ARHGAP15: variants seen among roughly 807,000 people sequenced by gnomAD.
ARHGAP15 encodes the protein Rho GTPase activating protein 15.
Under a neutral mutation model 63.7 loss-of-function variants are expected in ARHGAP15, and 51 were observed. That is an observed-to-expected ratio of 0.80 (90% CI 0.64 to 1.01). The LOEUF (loss-of-function observed/expected upper bound fraction) is 1.01. Ranked by LOEUF, ARHGAP15 falls within the 50% of genes least tolerant of loss-of-function variation. ARHGAP15 has a pLI of 0.00. For missense variants in ARHGAP15, 560 were observed against 564.6 expected, an observed-to-expected ratio of 0.99 and a Z score of 0.08; for synonymous variants, 191 against 193.8, an observed-to-expected ratio of 0.99 and a Z score of 0.12.
chr2:143,207,937 C>T (rs1183457714), intron 3 of ARHGAP15, among the ~76,000 whole-genome samples: 2 of 152,092 alleles, frequency 1.3e-5, no homozygotes, highest in African/African-American at 4.8e-5. Context: ...TCTTTCTGCA[C>T]TCTGGTATGT....
At chr2:143,417,570 C>A (rs918905499) in intron 6 of ARHGAP15, among the ~76,000 whole-genome samples, 17 of 152,030 alleles carry the variant, frequency 1.1e-4, no homozygotes, top group Non-Finnish European at 2.1e-4. Flanking sequence ...CAGTGGCTAC[C>A]CTTTTTAATC....
intron 1 of ARHGAP15, among the ~76,000 whole-genome samples, chr2:143,141,710 C>A (rs1214998742): frequency 6.6e-6 from 1 of 152,120 alleles, no homozygotes; most frequent in Non-Finnish European, 1.5e-5. Flanking sequence ...AGTACAAATG[C>A]AAATGCAAAT....
chr2:143,689,010 G>A (rs72994446), intron 12 of ARHGAP15, among the ~76,000 whole-genome samples: 195 of 152,028 alleles, frequency 1.3e-3, no homozygotes, highest in African/African-American at 4.5e-3. Context: ...TTAATTTTGT[G>A]CTTGACTTGC....
chr2:143,208,759 T>C (rs1263647017), intron 3 of ARHGAP15, among the ~76,000 whole-genome samples: 1 of 152,178 alleles, frequency 6.6e-6, no homozygotes, highest in Non-Finnish European at 1.5e-5. Flanking sequence ...CAGGGTACTT[T>C]TTCTTTTCCC....
At chr2:143,525,206 T>A (rs1694214623) in intron 10 of ARHGAP15, among the ~76,000 whole-genome samples, 1 of 152,170 alleles carries the variant, frequency 6.6e-6, no homozygotes, top group Non-Finnish European at 1.5e-5. Context: ...ATGAAGAATG[T>A]GCAATTTGTA....
intron 5 of ARHGAP15, among the ~76,000 whole-genome samples, chr2:143,229,192 T>C: frequency 6.6e-6 from 1 of 152,092 alleles, no homozygotes; most frequent in East Asian, 1.9e-4. Flanking sequence ...TAAATAATAA[T>C]AAACTGTTTA....
At chr2:143,322,494 G>A (rs941553674) in intron 6 of ARHGAP15, among the ~76,000 whole-genome samples, 3 of 151,998 alleles carry the variant, frequency 2.0e-5, no homozygotes, top group Admixed American at 2.0e-4. Flanking sequence ...TGCCATGATG[G>A]ATTTCCTACT....
chr2:143,265,627 A>G (rs1250895548), intron 6 of ARHGAP15, among the ~76,000 whole-genome samples: 1 of 152,190 alleles, frequency 6.6e-6, no homozygotes, highest in African/African-American at 2.4e-5. Flanking sequence ...AAAACTACAC[A>G]TAGAAAGTGT....
intron 2 of ARHGAP15, among the ~76,000 whole-genome samples, chr2:143,194,682 T>C (rs1400732114): frequency 1.4e-5 from 2 of 141,814 alleles, no homozygotes; most frequent in Admixed American, 7.1e-5. Context: ...AGGTTCCATG[T>C]GAATGACCCC....
chr2:143,507,724 C>T (rs1693385529), intron 9 of ARHGAP15, among the ~76,000 whole-genome samples: 1 of 152,116 alleles, frequency 6.6e-6, no homozygotes, highest in Admixed American at 6.6e-5. Flanking sequence ...CTAGAGTAAT[C>T]CTTGATTCTT....
chr2:143,607,549 G>A (rs1264733467), intron 11 of ARHGAP15: 1 of 61,862 alleles, frequency 1.6e-5, no homozygotes, highest in Non-Finnish European at 4.0e-5. Flanking sequence ...GGCCACCCAC[G>A]AGAGAGAGAG....
chr2:143,665,133 A>G (rs1682086816), intron 12 of ARHGAP15, among the ~76,000 whole-genome samples: 1 of 151,240 alleles, frequency 6.6e-6, no homozygotes, highest in Non-Finnish European at 1.5e-5. Flanking sequence ...ATTTTAGACC[A>G]ATATCCTTGA....
At chr2:143,657,395 T>C (rs1681512097) in intron 12 of ARHGAP15, among the ~76,000 whole-genome samples, 1 of 152,264 alleles carries the variant, frequency 6.6e-6, no homozygotes, top group East Asian at 1.9e-4. Flanking sequence ...TGAAATACTA[T>C]GTTTATGTGT....
chr2:143,664,689 A>C (rs1191870471), intron 12 of ARHGAP15, among the ~76,000 whole-genome samples: 1 of 152,188 alleles, frequency 6.6e-6, no homozygotes, highest in African/African-American at 2.4e-5. Flanking sequence ...ATAAAGAAAA[A>C]AAGAGAGAAG....
chr2:143,167,454 A>G (rs1398766816), intron 2 of ARHGAP15, among the ~76,000 whole-genome samples: 2 of 152,088 alleles, frequency 1.3e-5, no homozygotes, highest in African/African-American at 4.8e-5. Context: ...CAGTCTTGCT[A>G]TGAGAATGGC....
At chr2:143,375,897 G>C (rs537059210) in intron 6 of ARHGAP15, among the ~76,000 whole-genome samples, 1 of 152,294 alleles carries the variant, frequency 6.6e-6, no homozygotes, top group East Asian at 1.9e-4. Context: ...TTGAAAATAG[G>C]AGTGTTTATG....
chr2:143,218,239 T>C (rs1029310285), intron 4 of ARHGAP15, among the ~76,000 whole-genome samples: 1 of 151,862 alleles, frequency 6.6e-6, no homozygotes, highest in Non-Finnish European at 1.5e-5. Flanking sequence ...ATGCATTCTT[T>C]CAGCCTTTTC....
intron 6 of ARHGAP15, among the ~76,000 whole-genome samples, chr2:143,324,256 TA>T (rs770676969): frequency 3.7e-4 from 57 of 152,338 alleles, no homozygotes; most frequent in Non-Finnish European, 6.6e-4. Context: ...CTAAGGTTAA[TA>T]TTTTTTTTAC....
chr2:143,506,968 C>A (rs978081544), intron 9 of ARHGAP15, among the ~76,000 whole-genome samples: 1 of 152,052 alleles, frequency 6.6e-6, no homozygotes, highest in African/African-American at 2.4e-5. Flanking sequence ...TCATATTTAT[C>A]TTTTAATCTA....
Sources: allele counts gnomAD v4.1 joint callset (sites outside exome capture counted in the v4.1 genomes callset), GRCh38; gene constraint gnomAD v4.1.1; transcripts MANE v1.5; gene names NCBI Gene and HGNC (gene_info 2026-07-23, HGNC 2026-07-21).